TAOK3: variants seen among roughly 807,000 people sequenced by gnomAD.
TAOK3 encodes the protein serine/threonine-protein kinase TAO3.
In TAOK3, 40 loss-of-function variants were observed where a neutral mutation model predicts 120.4. The ratio of observed to expected loss-of-function variants is 0.33; its 90% CI spans 0.26 to 0.43. The LOEUF is 0.43. Among genes scored for constraint, TAOK3 ranks in the 20% least tolerant of loss-of-function variants. TAOK3 has a pLI of 1.00. For missense variants in TAOK3, 821 were observed against 1,112.1 expected (o/e 0.74, Z 3.72); for synonymous variants, 355 against 387.5 (o/e 0.92, Z 0.99).
intron 19 of TAOK3, among the ~76,000 whole-genome samples, chr12:118,155,819 C>G (rs1205979209): frequency 6.6e-6 from 1 of 152,120 alleles, no homozygotes; most frequent in Non-Finnish European, 1.5e-5. Context: ...TCACTGCAGC[C>G]TTGAACTCCT....
At chr12:118,297,569 T>C (rs1042690466) in intron 1 of TAOK3, among the ~76,000 whole-genome samples, 3 of 152,216 alleles carry the variant, frequency 2.0e-5, no homozygotes, top group Non-Finnish European at 2.9e-5. Context: ...GTTTTCATCA[T>C]AGCACCTGAA....
chr12:118,302,006 CA>C (rs1250230968), intron 1 of TAOK3, among the ~76,000 whole-genome samples: 2 of 152,072 alleles, frequency 1.3e-5, no homozygotes, highest in Non-Finnish European at 2.9e-5. Flanking sequence ...AATTTAAATT[CA>C]AAATGCCTCT....
intron 12 of TAOK3, chr12:118,199,600 A>G (rs1190689950): frequency 6.3e-6 from 2 of 319,412 alleles, no homozygotes; most frequent in South Asian, 6.4e-5. Context: ...TGGAACATCA[A>G]GGAGCTAGAG....
chr12:118,215,717 C>T (rs2038868470), intron 9 of TAOK3, among the ~76,000 whole-genome samples: 1 of 151,952 alleles, frequency 6.6e-6, no homozygotes, highest in Non-Finnish European at 1.5e-5. Context: ...GTGAGTCAGG[C>T]ATTTATTTTT....
chr12:118,196,608 G>A (rs756849794), intron 13 of TAOK3, among the ~76,000 whole-genome samples: 1 of 152,020 alleles, frequency 6.6e-6, no homozygotes, highest in Non-Finnish European at 1.5e-5. Flanking sequence ...ATATATTTTG[G>A]TATTTATTAA....
chr12:118,323,546 C>T (rs764590545), intron 1 of TAOK3, among the ~76,000 whole-genome samples: 4 of 151,892 alleles, frequency 2.6e-5, no homozygotes, highest in Non-Finnish European at 4.4e-5. Context: ...ATTAATTTTG[C>T]TATAGAAAAA....
chr12:118,217,510 A>C (rs1271174234), intron 9 of TAOK3, among the ~76,000 whole-genome samples: 1 of 151,534 alleles, frequency 6.6e-6, no homozygotes, highest in Non-Finnish European at 1.5e-5. Context: ...ACATGGTAAA[A>C]CCCTGTCTCT....
intron 5 of TAOK3, among the ~76,000 whole-genome samples, 177 bp downstream of exon 5, chr12:118,243,238 T>A (rs946906129): frequency 1.3e-5 from 2 of 152,148 alleles, no homozygotes; most frequent in Non-Finnish European, 2.9e-5. Context: ...TATCATTTAA[T>A]CTTACAGAAT....
chr12:118,151,289 G>GCGCACACACACACACACA (rs1214641528), intron 20 of TAOK3, 131 bp from the exon 21 acceptor site: 10 of 253,072 alleles, frequency 4.0e-5, no homozygotes, highest in African/African-American at 2.9e-4. Flanking sequence ...GCGCGCGCGC[G>GCGCACACACACACACACA]CACACACACA....
intron 1 of TAOK3, among the ~76,000 whole-genome samples, chr12:118,299,345 T>A (rs1273354068): frequency 1.3e-5 from 2 of 152,152 alleles, no homozygotes; most frequent in East Asian, 3.8e-4. Context: ...TTTATAGCTA[T>A]CTTGAGTTCA....
At chr12:118,315,128 A>G (rs967865800) in intron 1 of TAOK3, among the ~76,000 whole-genome samples, 6 of 151,998 alleles carry the variant, frequency 3.9e-5, no homozygotes, top group African/African-American at 1.2e-4. Context: ...ATGGGGTTTC[A>G]CCATGTTGGT....
intron 13 of TAOK3, among the ~76,000 whole-genome samples, chr12:118,192,745 T>C (rs1315881761): frequency 6.6e-6 from 1 of 152,252 alleles, no homozygotes; most frequent in Non-Finnish European, 1.5e-5. Context: ...GAGACCACTA[T>C]ACCTGGCTCC....
At chr12:118,358,749 T>C (rs2045492595) in intron 1 of TAOK3, among the ~76,000 whole-genome samples, 1 of 152,180 alleles carries the variant, frequency 6.6e-6, no homozygotes. Flanking sequence ...ATAGAGCACA[T>C]GAATCCAATG....
intron 8 of TAOK3, among the ~76,000 whole-genome samples, chr12:118,234,335 T>C (rs1423084431): frequency 6.7e-6 from 1 of 148,880 alleles, no homozygotes; most frequent in Non-Finnish European, 1.5e-5. Flanking sequence ...TTCATGCCAT[T>C]CTCCTGTCTC....
intron 1 of TAOK3, among the ~76,000 whole-genome samples, chr12:118,275,485 A>G (rs1390546668): frequency 6.6e-6 from 1 of 152,194 alleles, no homozygotes; most frequent in African/African-American, 2.4e-5. Context: ...AAGAATGTAT[A>G]ATATGAAAAC....
chr12:118,251,828 T>TA (rs2040766185), intron 3 of TAOK3, among the ~76,000 whole-genome samples: 1 of 151,164 alleles, frequency 6.6e-6, no homozygotes, highest in Admixed American at 6.6e-5. Flanking sequence ...TTGGCTGCTT[T>TA]TTTTTTTTTT....
rs146317100 is a variant in TAOK3, at chr12:118,251,695, G to C, written c.120+3753C>G. 4.4e-3 allele frequency among the ~76,000 whole-genome samples: 671 copies of C among 152,240 alleles called. 7 individuals carry two copies. Among genetic ancestry groups the C allele is most frequent in the African/African-American group, 0.016 (657 of 41,522 alleles). The stretch of plus-strand genomic sequence containing the variant: ...GCCCAAAAAGCAAATAAACCACTAG[G>C]TCTTCTGCAGCCTAGTACAACGTAG... On this transcript the variant is annotated intron_variant, in intron 3 of 20. Coordinates refer to ENST00000392533, the MANE Select transcript of TAOK3 (RefSeq NM_016281.4).
chr12:118,342,250 A>C (rs2044647734), intron 1 of TAOK3, among the ~76,000 whole-genome samples: 2 of 152,190 alleles, frequency 1.3e-5, no homozygotes, highest in African/African-American at 4.8e-5. Flanking sequence ...TACCACGAGG[A>C]AGCAATCTGC....
intron 14 of TAOK3, among the ~76,000 whole-genome samples, chr12:118,182,599 GTATATATA>G (rs1212615187): frequency 2.1e-5 from 2 of 93,902 alleles, no homozygotes; most frequent in Middle Eastern, 6.4e-3. Flanking sequence ...GTGTGTGTGT[GTATATATA>G]TATATATATA....
Sources: gnomAD v4.1 joint callset for allele counts (sites outside exome capture counted in the v4.1 genomes callset) on GRCh38, gnomAD v4.1.1 for gene constraint, MANE v1.5 for transcripts, NCBI Gene and HGNC (gene_info 2026-07-23, HGNC 2026-07-21) for gene names.